Variants in GEMIN4 observed in about 807,000 individuals in gnomAD.
The protein encoded by GEMIN4 is gem nuclear organelle associated protein 4.
In GEMIN4, 59 loss-of-function variants were observed where a neutral mutation model predicts 76.8. That is an observed-to-expected ratio of 0.77 (90% confidence interval 0.62 to 0.95). The LOEUF (loss-of-function observed/expected upper bound fraction) is 0.95. GEMIN4 is among the 40% of genes least tolerant of loss of function. The pLI is 0.00. For missense variants in GEMIN4, 1,311 were observed against 1,318.9 expected (o/e 0.99, Z 0.09); for synonymous variants, 562 against 559.7 (o/e 1.00, Z -0.06).
At position 744,721 on chromosome 17, in the gene GEMIN4, T is replaced by G; in HGVS notation, c.*145A>C. ...TTGCCATGACTTTTTGTGGACAGTTTCACATAACTGTAAAGTCCAGGCTGC... is the reference window on the plus strand; with the variant it reads ...TTGCCATGACTTTTTGTGGACAGTTGCACATAACTGTAAAGTCCAGGCTGC... On this transcript the variant is annotated 3_prime_UTR_variant, in exon 2 of 2. Coordinates refer to ENST00000319004, the MANE Select transcript of GEMIN4 (RefSeq NM_015721.3). 1.3e-6 allele frequency: 1 copy of G among 771,702 alleles called. No homozygotes were observed. The highest frequency in any genetic ancestry group is 2.0e-6 in the Non-Finnish European group (1 of 501,208). 47.8% of individuals were successfully genotyped at this position (771,702 alleles called of 1,614,324 possible). A position where few individuals can be genotyped will look rare whatever the true frequency, so the allele number is the denominator to read the frequency against.
In GEMIN4 at chr17:744,581, C is replaced by A; in HGVS notation, c.*285G>T. The A allele has an allele frequency of 6.5e-6, 2 of 306,298 alleles. No individual in the cohort carries two copies. The highest frequency in any genetic ancestry group is 1.2e-5 in the Non-Finnish European group (2 of 165,446). The allele number at this position is 306,298 out of a possible 1,614,324, so 19.0% of individuals were successfully genotyped here. ...ACCCAATTTCAGAGCATATTTAATC[C>A]TGGGCTATTGCTGAGGCCGACTTAG... On this transcript the variant is annotated 3_prime_UTR_variant, in exon 2 of 2. Transcript: ENST00000319004.
At chr17:752,937 T>C (rs1456847681), upstream of GEMIN4, 1 of 154,336 alleles carries the variant, frequency 6.5e-6, no homozygotes, top group East Asian at 1.9e-4. Flanking sequence ...AAGGGTCCCG[T>C]GAGCGATCAG....
chr17:751,228 G>A (rs1904667223), intron 1 of GEMIN4, among the ~76,000 whole-genome samples: 2 of 152,160 alleles, frequency 1.3e-5, no homozygotes, highest in Non-Finnish European at 2.9e-5. Flanking sequence ...ACCTTTTGAG[G>A]ACTAGTATTC....
intron 1 of GEMIN4, 128 bp downstream of exon 1, chr17:752,005 C>T: frequency 1.5e-6 from 1 of 653,302 alleles, no homozygotes; most frequent in East Asian, 3.5e-5. Flanking sequence ...TAGACCCGCC[C>T]CGACGCGGGG....
In GEMIN4 at chr17:747,714, G is replaced by A. The variant is rs202115773; in HGVS notation, c.329C>T (p.Thr110Ile). ...GGATTTGAGCAGCTCGAAGAGGATG[G>A]TGTGGTTGATGGTGGGGATCATGTT... Reference protein sequence around the residue: ...VGNMIPTINHTILFELLKSLE... With the variant: ...VGNMIPTINHIILFELLKSLE... The change falls in exon 2 of 2, where the codon ACC becomes ATC. Residue 110 changes from threonine to isoleucine, a missense_variant. Around this residue, in one of 2 missense-constraint regions of GEMIN4, gnomAD observed 103 missense variants for 152.0 expected, o/e 0.68. Transcript: ENST00000319004. 2 of 1,613,842 alleles carry A rather than the reference G, an allele frequency of 1.2e-6. No individual in the cohort carries two copies. Among genetic ancestry groups the A allele is most frequent in the Non-Finnish European group, 1.7e-6 (2 of 1,179,848 alleles).
Position 752,176 on chromosome 17 carries a change from C to T in GEMIN4, c.-34G>A, listed in dbSNP as rs747053173. On this transcript the variant is annotated 5_prime_UTR_variant, in exon 1 of 2. Coordinates refer to ENST00000319004, the MANE Select transcript of GEMIN4 (RefSeq NM_015721.3). ...CGCCGGCGGCTGCGCGGGGCTAACG[C>T]CCCCTCCCCTCCGAGAACTCGAACG... The T allele has an allele frequency of 8.1e-7, 1 of 1,233,738 alleles. No individual in the cohort carries two copies. Among genetic ancestry groups the T allele is most frequent in the Non-Finnish European group, 1.0e-6 (1 of 988,244 alleles). The allele number at this position is 1,233,738 out of a possible 1,614,324, so 76.4% of individuals were successfully genotyped here. A position where few individuals can be genotyped will look rare whatever the true frequency, so the allele number is the denominator to read the frequency against.
chr17:744,828 C>A lies in GEMIN4; in HGVS notation c.*38G>T, dbSNP rs1310432112. ...CAGGTAAGAAGCTGCTGATCTTCTG[C>A]AGACCCGCCATGTTGGGGCCCAGCT... On this transcript the variant is annotated 3_prime_UTR_variant, in exon 2 of 2. Transcript: ENST00000319004. The A allele has an allele frequency of 1.3e-6, 2 of 1,568,222 alleles. No individual in the cohort carries two copies. Among genetic ancestry groups the A allele is most frequent in the African/African-American group, 1.4e-5 (1 of 73,740 alleles).
Position 747,774 on chromosome 17 carries a change from G to A in GEMIN4, c.269C>T (p.Thr90Ile), listed in dbSNP as rs754384303. 6.9e-5 allele frequency: 112 copies of A among 1,613,538 alleles called. No homozygotes were observed. Among genetic ancestry groups the A allele is most frequent in the Non-Finnish European group, 8.5e-5 (100 of 1,179,844 alleles). ...PHPVTPSDTETRWQEDLFFSV... is the reference protein window; with the variant it reads ...PHPVTPSDTEIRWQEDLFFSV... Reference sequence around the variant, plus strand: ...GAAGAACAGGTCTTCCTGCCACCGTGTCTCTGTGTCGGACGGGGTCACGGG... The same window carrying A: ...GAAGAACAGGTCTTCCTGCCACCGTATCTCTGTGTCGGACGGGGTCACGGG... The change falls in exon 2 of 2, where the codon ACA becomes ATA. Residue 90 changes from threonine (T) to isoleucine (I), a missense_variant. This residue lies in a region of GEMIN4 where 103 missense variants were observed against 152.0 expected (regional missense o/e 0.68). Transcript: ENST00000319004.
Position 747,658 on chromosome 17 carries a change from G to A in GEMIN4, c.385C>T (p.Leu129=). The change falls in exon 2 of 2, where the codon CTG becomes TTG. Residue 129 remains leucine (L), a synonymous_variant. Transcript: ENST00000319004. ...CAGATGGTGGTGGGCAGGGCCATCA[G>A]GAGCTGGATAAAGAGTCCAGAAGCT... ...LEASGLFIQL[L]MALPTTICHA... 13 of 1,614,008 alleles carry A rather than the reference G, an allele frequency of 8.1e-6. No individual in the cohort carries two copies. The highest frequency in any genetic ancestry group is 1.1e-5 in the Non-Finnish European group (13 of 1,179,888).
At position 746,376 on chromosome 17, in the gene GEMIN4, T is replaced by A. The variant is rs200190989; in HGVS notation, c.1667A>T (p.His556Leu). The A allele has an allele frequency of 6.2e-7, 1 of 1,613,716 alleles. No individual in the cohort carries two copies. The highest frequency in any genetic ancestry group is 1.7e-5 in the Admixed American group (1 of 60,006). The change falls in exon 2 of 2, where the codon CAC becomes CTC. Residue 556 changes from histidine to leucine, a missense_variant. Transcript: ENST00000319004. This position sits in a 1 kb window ranked among gnomAD's most constrained non-coding sequence, Gnocchi z 4.3. ...CATTTTCTTCACCGTGACTTCCGGG[T>A]GCACTATGACCAGGCGGGCCACGGA... ...VASVARLVIV[H>L]PEVTVKKMCS...
At position 747,170 on chromosome 17, in the gene GEMIN4, C is replaced by T. The variant is rs1340804319; in HGVS notation, c.873G>A (p.Glu291=). Residue 291 remains glutamate (E), a synonymous_variant, in exon 2 of 2, where the codon GAG becomes GAA. Transcript: ENST00000319004. ...QNPYHQQALA[E]KVKEAERDVS... ...CATCCCGTTCTGCCTCCTTCACCTT[C>T]TCTGCCAGCGCCTGCTGGTGGTAGG... 3 of 1,613,860 alleles carry T rather than the reference C, an allele frequency of 1.9e-6. No homozygotes were observed. The highest frequency in any genetic ancestry group is 1.7e-6 in the Non-Finnish European group (2 of 1,179,888).
rs2144140359 is a variant in GEMIN4, at chr17:745,183, C to CT, written c.2859dup (p.Val954SerfsTer46). ...GGGCCAGCTGCCTGTATCGCCCTGA[C>CT]TGAGTCCAGGAGGCGGGTCAGACTG... On this transcript the variant is annotated frameshift_variant, in exon 2 of 2. Transcript: ENST00000319004. LOFTEE classifies it high-confidence loss of function. This position sits in a 1 kb window ranked among gnomAD's most constrained non-coding sequence, Gnocchi z 4.6. The CT allele has an allele frequency of 1.2e-6, 2 of 1,607,122 alleles. No homozygotes were observed. The highest frequency in any genetic ancestry group is 4.5e-5 in the East Asian group (2 of 44,636).
At chr17:752,079 C>A (rs1904747049) in intron 1 of GEMIN4, 54 bp downstream of exon 1, 1 of 1,178,206 alleles carries the variant, frequency 8.5e-7, no homozygotes, top group East Asian at 3.2e-5. Flanking sequence ...GGCAGCACCG[C>A]TCTGGTGGCG....
At position 744,630 on chromosome 17, in the gene GEMIN4, GA is replaced by G; in HGVS notation, c.*235del. ...AGAAGAGACAAAGTGAGATGCGAAAGAGGAGAATTTTTATGATAGTTTGTAC... is the reference window on the plus strand; with the variant it reads ...AGAAGAGACAAAGTGAGATGCGAAAGGGAGAATTTTTATGATAGTTTGTAC... On this transcript the variant is annotated 3_prime_UTR_variant, in exon 2 of 2. Transcript: ENST00000319004. The G allele has an allele frequency of 2.2e-6, 1 of 458,132 alleles. No homozygotes were observed. Among genetic ancestry groups the G allele is most frequent in the Non-Finnish European group, 3.9e-6 (1 of 259,044 alleles). 28.4% of individuals were successfully genotyped at this position (458,132 alleles called of 1,614,324 possible).
chr17:752,962 C>T (rs1222592275), upstream of GEMIN4: 1 of 156,506 alleles, frequency 6.4e-6, no homozygotes, highest in Non-Finnish European at 1.4e-5. Flanking sequence ...AGCTGCTGGT[C>T]TACGGCTTGT....
At position 746,102 on chromosome 17, in the gene GEMIN4, C is replaced by T. The variant is rs1375529586; in HGVS notation, c.1941G>A (p.Glu647=). Residue 647 remains glutamate (E), a synonymous_variant, in exon 2 of 2, where the codon GAG becomes GAA. Transcript: ENST00000319004. The surrounding 1 kb of genome is among the most constrained non-coding windows in gnomAD (Gnocchi z 4.3). Reference sequence around the variant, plus strand: ...CAAATTCCTTCAGCACCTCGTCTGGCTCAAGAAGAGCAGCCACTGGAATCC... The same window carrying T: ...CAAATTCCTTCAGCACCTCGTCTGGTTCAAGAAGAGCAGCCACTGGAATCC... ...PQGIPVAALL[E]PDEVLKEFVL... 6.2e-7 allele frequency: 1 copy of T among 1,613,994 alleles called. No homozygotes were observed. The highest frequency in any genetic ancestry group is 8.5e-7 in the Non-Finnish European group (1 of 1,179,908).
chr17:752,034 C>T (rs1169166808), intron 1 of GEMIN4, 99 bp downstream of exon 1: 4 of 875,372 alleles, frequency 4.6e-6, no homozygotes, highest in Non-Finnish European at 6.0e-6. Context: ...GGTCCGGGCC[C>T]GCGCGAGCGT....
chr17:753,635 A>G (rs1458636059), upstream of GEMIN4: 2 of 152,952 alleles, frequency 1.3e-5, no homozygotes, highest in African/African-American at 4.8e-5. Flanking sequence ...GGAAAGGAGA[A>G]ACTCGGTGAC....
At chr17:750,456 C>T (rs1391346688) in intron 1 of GEMIN4, among the ~76,000 whole-genome samples, 1 of 152,172 alleles carries the variant, frequency 6.6e-6, no homozygotes, top group African/African-American at 2.4e-5. Context: ...TTTCCCCAAA[C>T]CTTTTCATGG....
Sources: gnomAD v4.1 joint callset for allele counts (sites outside exome capture counted in the v4.1 genomes callset) on GRCh38, gnomAD v4.1.1 for gene constraint, gnomAD v4.1.1 regional missense constraint, Gnocchi (gnomAD v3.1) non-coding constraint, MANE v1.5 for transcripts, NCBI Gene and HGNC (gene_info 2026-07-23, HGNC 2026-07-21) for gene names.